The following CNTN1 variants were observed in gnomAD, a reference collection of about 807,000 sequenced individuals.
The protein encoded by CNTN1 is contactin-1.
Under a neutral mutation model 126.4 loss-of-function variants are expected in CNTN1, and 38 were observed. That is an observed-to-expected ratio of 0.30 (90% confidence interval 0.23 to 0.39). The LOEUF (loss-of-function observed/expected upper bound fraction) is 0.39, where lower values mean the gene tolerates loss of function less well. CNTN1 is among the 10% of genes least tolerant of loss of function. The pLI is 1.00. For missense variants in CNTN1, 1,009 were observed against 1,248.4 expected (o/e 0.81, Z 2.89); for synonymous variants, 413 against 422.6 (o/e 0.98, Z 0.28).
At chr12:40,778,053 T>G (rs1353773399) in intron 1 of CNTN1, among the ~76,000 whole-genome samples, 1 of 151,816 alleles carries the variant, frequency 6.6e-6, no homozygotes, top group Non-Finnish European at 1.5e-5. Flanking sequence ...ATTAAACATG[T>G]CTTCAGGAAT....
intron 23 of CNTN1, among the ~76,000 whole-genome samples, chr12:41,048,869 T>G (rs768995240): frequency 5.3e-5 from 8 of 152,116 alleles, no homozygotes; most frequent in Admixed American, 2.0e-4. Flanking sequence ...TGGAGTAAAA[T>G]TCAACAAATA....
intron 1 of CNTN1, among the ~76,000 whole-genome samples, chr12:40,803,764 G>A (rs1409616518): frequency 2.0e-5 from 3 of 151,668 alleles, no homozygotes; most frequent in African/African-American, 7.3e-5. Flanking sequence ...GAAGAGGAGA[G>A]GGGAAGAGGG....
intron 7 of CNTN1, among the ~76,000 whole-genome samples, chr12:40,931,406 C>G (rs180810808): frequency 6.6e-6 from 1 of 151,974 alleles, no homozygotes; most frequent in East Asian, 1.9e-4. Context: ...TTTCTCTAAT[C>G]TTTTCCTAGG....
chr12:40,887,438 G>C (rs1944079155), intron 1 of CNTN1, among the ~76,000 whole-genome samples: 1 of 152,156 alleles, frequency 6.6e-6, no homozygotes, highest in Admixed American at 6.5e-5. Context: ...GGCCATCAGA[G>C]ATATGCAAAT....
chr12:41,053,674 A>T (rs1415180295), intron 23 of CNTN1, among the ~76,000 whole-genome samples: 1 of 150,990 alleles, frequency 6.6e-6, no homozygotes, highest in East Asian at 1.9e-4. Flanking sequence ...CTTTTAACTA[A>T]TCTTTAACAG....
Position 40,873,632 on chromosome 12 carries a change from T to A in CNTN1, c.-76-34725T>A, listed in dbSNP as rs182008458. The stretch of plus-strand genomic sequence containing the variant: ...TAATGATATGAAAAGCCTTAACATA[T>A]GTTTTTGCAGTCCATGATATTTGCC... On this transcript the variant is annotated intron_variant, in intron 1 of 23. Coordinates refer to ENST00000551295, the MANE Select transcript of CNTN1 (RefSeq NM_001843.4). 8.5e-5 allele frequency among the ~76,000 whole-genome samples: 13 copies of A among 152,312 alleles called. No homozygotes were observed. In the East Asian group the frequency reaches 2.3e-3, roughly 27 times the overall value.
intron 16 of CNTN1, among the ~76,000 whole-genome samples, chr12:40,985,777 T>G (rs1947941349): frequency 6.6e-6 from 1 of 152,160 alleles, no homozygotes; most frequent in Non-Finnish European, 1.5e-5. Context: ...TTTCCTCTGC[T>G]CTACTCTCTC....
At chr12:40,832,234 C>T (rs544889048) in intron 1 of CNTN1, among the ~76,000 whole-genome samples, 1 of 152,248 alleles carries the variant, frequency 6.6e-6, no homozygotes, top group South Asian at 2.1e-4. Flanking sequence ...TTTTTAATGG[C>T]TGCTAATTCT....
intron 14 of CNTN1, among the ~76,000 whole-genome samples, chr12:40,953,064 A>C (rs1188973747): frequency 6.6e-6 from 1 of 152,178 alleles, no homozygotes; most frequent in Non-Finnish European, 1.5e-5. Flanking sequence ...TTGTTAATAC[A>C]GCGTCATCAC....
At chr12:40,745,059 T>C (rs1938124672) in intron 1 of CNTN1, among the ~76,000 whole-genome samples, 3 of 152,164 alleles carry the variant, frequency 2.0e-5, no homozygotes, top group Non-Finnish European at 2.9e-5. Flanking sequence ...AATCACCGTA[T>C]TTAGCAGCTA....
intron 1 of CNTN1, among the ~76,000 whole-genome samples, chr12:40,700,525 C>T (rs1459035636): frequency 6.8e-6 from 1 of 147,658 alleles, no homozygotes; most frequent in African/African-American, 2.5e-5. Flanking sequence ...GACTCTGTCT[C>T]AAAATAAAAA....
At chr12:40,749,843 T>C (rs1938333393) in intron 1 of CNTN1, among the ~76,000 whole-genome samples, 1 of 151,988 alleles carries the variant, frequency 6.6e-6, no homozygotes, top group Admixed American at 6.6e-5. Flanking sequence ...GGGGAGAGCC[T>C]GGTGAAAGAG....
chr12:40,977,446 A>G (rs1376999295), intron 15 of CNTN1, among the ~76,000 whole-genome samples: 1 of 152,064 alleles, frequency 6.6e-6, no homozygotes, highest in African/African-American at 2.4e-5. Context: ...CTAGTTTTTC[A>G]GGTTACTTTT....
rs184725581 is a variant in CNTN1, at chr12:40,733,868, A to G, written c.-77+41276A>G. Among the ~76,000 whole-genome samples, 453 of 152,128 alleles carry G rather than the reference A, an allele frequency of 3.0e-3. 2 individuals are homozygous for G. The highest frequency in any genetic ancestry group is 9.9e-3 in the African/African-American group (410 of 41,522). On this transcript the variant is annotated intron_variant, in intron 1 of 23. Transcript: ENST00000551295. ...TGATTTGATTGCAGCTCCAGCAGTTAAAGGAGTGTTCATTTCATGATCAAG... is the reference window on the plus strand; with the variant it reads ...TGATTTGATTGCAGCTCCAGCAGTTGAAGGAGTGTTCATTTCATGATCAAG...
intron 1 of CNTN1, among the ~76,000 whole-genome samples, chr12:40,871,823 G>T (rs1943507962): frequency 1.3e-5 from 2 of 152,208 alleles, no homozygotes; most frequent in Admixed American, 1.3e-4. Flanking sequence ...ATTGTTGGTG[G>T]TGGTAGTTTG....
intron 23 of CNTN1, among the ~76,000 whole-genome samples, chr12:41,035,088 C>T (rs1472486734): frequency 4.6e-5 from 7 of 152,270 alleles, no homozygotes; most frequent in African/African-American, 7.2e-5. Context: ...TCTAAACTAA[C>T]CTAGGTTTTT....
At chr12:40,859,885 T>C (rs1943058982) in intron 1 of CNTN1, among the ~76,000 whole-genome samples, 1 of 152,164 alleles carries the variant, frequency 6.6e-6, no homozygotes, top group Non-Finnish European at 1.5e-5. Flanking sequence ...ACTTTTCTAC[T>C]TTCAACATTT....
intron 1 of CNTN1, among the ~76,000 whole-genome samples, chr12:40,841,592 A>G (rs897504076): frequency 3.3e-5 from 5 of 152,110 alleles, no homozygotes; most frequent in Non-Finnish European, 7.4e-5. Flanking sequence ...ATCAAGTGGC[A>G]TTTATACCAG....
At chr12:40,771,765 A>G (rs1414864483) in intron 1 of CNTN1, among the ~76,000 whole-genome samples, 1 of 152,040 alleles carries the variant, frequency 6.6e-6, no homozygotes, top group African/African-American at 2.4e-5. Flanking sequence ...GTGTCCAAAA[A>G]ATAAAATATG....
Sources: gnomAD v4.1 joint callset for allele counts (sites outside exome capture counted in the v4.1 genomes callset) on GRCh38, gnomAD v4.1.1 for gene constraint, MANE v1.5 for transcripts, NCBI Gene and HGNC (gene_info 2026-07-23, HGNC 2026-07-21) for gene names.